The following ZNF525 variants were observed in gnomAD, a reference collection of about 807,000 sequenced individuals.
ZNF525 encodes the protein zinc finger protein 525.
Under a neutral mutation model 37.6 loss-of-function variants are expected in ZNF525, and 33 were observed. That is an observed-to-expected ratio of 0.88 (90% CI 0.67 to 1.17). The LOEUF is 1.17. ZNF525 is among the 50% of genes most tolerant of loss of function. ZNF525 has a pLI of 0.00. For missense variants in ZNF525, 449 were observed against 543.1 expected, an observed-to-expected ratio of 0.83 and a Z score of 1.72; for synonymous variants, 170 against 182.3, an observed-to-expected ratio of 0.93 and a Z score of 0.54.
At chr19:53,372,191 AAAC>A in intron 1 of ZNF525, 21 bp from the exon 2 acceptor site, 1 of 669,932 alleles carries the variant, frequency 1.5e-6, no homozygotes, top group Non-Finnish European at 2.7e-6. Context: ...TCTGAGCAAT[AAAC>A]AACATATTTT....
At chr19:53,373,369 C>T (rs981050123) in intron 2 of ZNF525, among the ~76,000 whole-genome samples, 3 of 152,084 alleles carry the variant, frequency 2.0e-5, no homozygotes, top group African/African-American at 7.2e-5. Context: ...GCTGAGATTA[C>T]AGGCATGAGC....
rs192904059 is a variant in ZNF525, at chr19:53,384,907, A to G, written c.*2888A>G. The G allele has an allele frequency of 5.2e-5, 36 of 698,176 alleles. No individual in the cohort carries two copies. The highest frequency in any genetic ancestry group is 8.6e-5 in the Non-Finnish European group (33 of 383,492). The allele number at this position is 698,176 out of a possible 1,614,324, so 43.2% of individuals were successfully genotyped here. A position where few individuals can be genotyped will look rare whatever the true frequency, so the allele number is the denominator to read the frequency against. On this transcript the variant is annotated 3_prime_UTR_variant, in exon 4 of 4. Coordinates refer to ENST00000474037, the MANE Select transcript of ZNF525 (RefSeq NM_001348156.2). ...ATTTTCCCTGCTTGGTTATTTACTC[A>G]TTTGTCATTTCATGGATGTTCTTTC...
chr19:53,371,969 G>T (rs1346698465), intron 1 of ZNF525, among the ~76,000 whole-genome samples: 1 of 152,102 alleles, frequency 6.6e-6, no homozygotes, highest in Non-Finnish European at 1.5e-5. Context: ...GTTTGGTCAG[G>T]TCTGGGTCGG....
intron 1 of ZNF525, among the ~76,000 whole-genome samples, chr19:53,370,046 A>G (rs1254944239): frequency 2.6e-5 from 4 of 151,554 alleles, no homozygotes; most frequent in Non-Finnish European, 4.4e-5. Flanking sequence ...TAGCCCAGAT[A>G]TGTGAAAGAT....
rs377138813 is a variant in ZNF525 at position 53,382,127 on chromosome 19, T to G, written c.*108T>G. The G allele has an allele frequency of 1.3e-6, 2 of 1,579,096 alleles. No homozygotes were observed. The highest frequency in any genetic ancestry group is 8.7e-7 in the Non-Finnish European group (1 of 1,152,370). On this transcript the variant is annotated 3_prime_UTR_variant, in exon 4 of 4. Coordinates refer to ENST00000474037, the MANE Select transcript of ZNF525 (RefSeq NM_001348156.2). ...CATCCATTGTATACCATCATAAATT[T>G]CATAGTGGAGAGAAACCTTACAAAT...
At position 53,372,222 on chromosome 19, in the gene ZNF525, A is replaced by T; in HGVS notation, c.-60A>T. On this transcript the variant is annotated 5_prime_UTR_variant, in exon 2 of 4. Transcript: ENST00000474037. ...CATATTTTTATCACTCAGGATTGAC[A>T]TCTAAAGACTCTTGGTACATGAGGA... is the stretch of plus-strand genomic sequence containing the variant. 1 of 708,988 alleles carries T rather than the reference A, an allele frequency of 1.4e-6. No individual in the cohort carries two copies. The highest frequency in any genetic ancestry group is 1.6e-5 in the South Asian group (1 of 63,062). 43.9% of individuals were successfully genotyped at this position (708,988 alleles called of 1,614,324 possible).
intron 3 of ZNF525, 72 bp downstream of exon 3, chr19:53,375,968 G>C: frequency 1.9e-6 from 3 of 1,608,920 alleles, no homozygotes; most frequent in Non-Finnish European, 2.5e-6. Flanking sequence ...TTTTTAGATA[G>C]AGTATCTCTC....
chr19:53,375,483 G>T (rs575385699), intron 2 of ZNF525, among the ~76,000 whole-genome samples: 2 of 152,302 alleles, frequency 1.3e-5, no homozygotes, highest in African/African-American at 2.4e-5. Context: ...TACTCAGGAG[G>T]CTAAGGCAGG....
intron 2 of ZNF525, among the ~76,000 whole-genome samples, chr19:53,375,001 A>G (rs2147068307): frequency 6.6e-6 from 1 of 151,848 alleles, no homozygotes; most frequent in African/African-American, 2.4e-5. Context: ...CAGGCTCCCA[A>G]GTAGCTGGAA....
chr19:53,370,797 C>T (rs1443328768), intron 1 of ZNF525, among the ~76,000 whole-genome samples: 3 of 152,204 alleles, frequency 2.0e-5, no homozygotes, highest in Non-Finnish European at 4.4e-5. Context: ...AAATCTAAAG[C>T]AGGTCACGTC....
At chr19:53,372,074 T>C (rs912364942) in intron 1 of ZNF525, 141 bp from the exon 2 acceptor site, 3 of 434,256 alleles carry the variant, frequency 6.9e-6, no homozygotes, top group African/African-American at 6.0e-5. Context: ...TGTAGGAGTT[T>C]ATTGTACCTG....
chr19:53,381,534 A>G lies in ZNF525; in HGVS notation c.955A>G (p.Arg319Gly). The change falls in exon 4 of 4, where the codon AGA (arginine) becomes GGA (glycine). Residue 319 changes from arginine to glycine, a missense_variant. Around this residue, in one of 2 missense-constraint regions of ZNF525, gnomAD observed 178 missense variants for 161.5 expected, o/e 1.10. Coordinates refer to ENST00000474037, the MANE Select transcript of ZNF525 (RefSeq NM_001348156.2). ...RHNSALQRHR[R>G]IHTGEKPHKC... ...CAATTCAGCCCTTCAAAGACATAGG[A>G]GAATTCATACTGGAGAGAAACCACA... 4 of 1,242,770 alleles carry G rather than the reference A, an allele frequency of 3.2e-6. No homozygotes were observed. The highest frequency in any genetic ancestry group is 4.8e-6 in the Non-Finnish European group (4 of 841,014). 77.0% of individuals were successfully genotyped at this position (1,242,770 alleles called of 1,614,324 possible).
At chr19:53,367,905 T>G (rs1014078044) in intron 1 of ZNF525, among the ~76,000 whole-genome samples, 10 of 152,196 alleles carry the variant, frequency 6.6e-5, no homozygotes, top group Non-Finnish European at 1.5e-4. Context: ...TGGTTAAGCG[T>G]GTAAATCGGG....
intron 3 of ZNF525, among the ~76,000 whole-genome samples, chr19:53,379,672 G>A (rs949748985): frequency 6.6e-6 from 1 of 152,174 alleles, no homozygotes; most frequent in African/African-American, 2.4e-5. Context: ...TTCGGTATGT[G>A]GTATGCAATA....
Position 53,380,737 on chromosome 19 carries a change from G to A in ZNF525, c.158G>A (p.Cys53Tyr), listed in dbSNP as rs749804052. Residue 53 changes from cysteine (C) to tyrosine (Y), a missense_variant, in exon 4 of 4, where the codon TGC (cysteine) becomes TAC (tyrosine). Cys to Tyr is a radical substitution (Grantham distance 194, BLOSUM62 -2). Transcript: ENST00000474037. ...NLVSLGISSK[C>Y]TMKEFSSTAQ... ...TATTTTGTAGGTATCTCTTCCAAAT[G>A]CACAATGAAGGAGTTCTCATCAACA... The A allele has an allele frequency of 2.4e-6, 3 of 1,230,678 alleles. No individual in the cohort carries two copies. The highest frequency in any genetic ancestry group is 1.5e-5 in the African/African-American group (1 of 66,910). 76.2% of individuals were successfully genotyped at this position (1,230,678 alleles called of 1,614,324 possible). A position where few individuals can be genotyped will look rare whatever the true frequency, so the allele number is the denominator to read the frequency against.
chr19:53,381,841 G>A lies in ZNF525; in HGVS notation c.1262G>A (p.Arg421His), dbSNP rs189545824. ...TGTGAAGAATGTGATGAAGCTTTCC[G>A]TTTCAAATCAAGTCTTGAAAGACAT... The part of the protein sequence containing the change: ...YKCEECDEAF[R>H]FKSSLERHRR... The change falls in exon 4 of 4, where the codon CGT (arginine) becomes CAT (histidine). Residue 421 changes from arginine to histidine, a missense_variant. This residue lies in a region of ZNF525 where 178 missense variants were observed against 161.5 expected (regional missense o/e 1.10). Transcript: ENST00000474037. 75 of 1,058,686 alleles carry A rather than the reference G, an allele frequency of 7.1e-5. No homozygotes were observed. The highest frequency in any genetic ancestry group is 3.7e-4 in the Admixed American group (22 of 59,338). 65.6% of individuals were successfully genotyped at this position (1,058,686 alleles called of 1,614,324 possible). A position where few individuals can be genotyped will look rare whatever the true frequency, so the allele number is the denominator to read the frequency against.
In ZNF525 at chr19:53,384,976, T is replaced by G. The variant is rs2085594698; in HGVS notation, c.*2957T>G. The G allele has an allele frequency of 1.4e-6, 1 of 702,466 alleles. No individual in the cohort carries two copies. Among genetic ancestry groups the G allele is most frequent in the African/African-American group, 1.7e-5 (1 of 57,378 alleles). 43.5% of individuals were successfully genotyped at this position (702,466 alleles called of 1,614,324 possible). On this transcript the variant is annotated 3_prime_UTR_variant, in exon 4 of 4. Coordinates refer to ENST00000474037, the MANE Select transcript of ZNF525 (RefSeq NM_001348156.2). Reference sequence around the variant, plus strand: ...CCTTTTCTATTTTGTTTAGGATTTCTATGATGACTGGATTTTGAATTTTGT... The same window carrying G: ...CCTTTTCTATTTTGTTTAGGATTTCGATGATGACTGGATTTTGAATTTTGT...
chr19:53,368,898 G>T (rs1017577450), intron 1 of ZNF525, among the ~76,000 whole-genome samples: 19 of 152,128 alleles, frequency 1.2e-4, no homozygotes, highest in African/African-American at 4.6e-4. Context: ...AAGCATGATT[G>T]TCCTTTGTTG....
chr19:53,374,264 CT>C (rs1287269456), intron 2 of ZNF525, among the ~76,000 whole-genome samples: 2 of 152,196 alleles, frequency 1.3e-5, no homozygotes, highest in Non-Finnish European at 2.9e-5. Flanking sequence ...TTGTTTTCTT[CT>C]TTGTGTTCCA....
Sources: gnomAD v4.1 joint callset for allele counts (sites outside exome capture counted in the v4.1 genomes callset) on GRCh38, gnomAD v4.1.1 for gene constraint, gnomAD v4.1.1 regional missense constraint, MANE v1.5 for transcripts, NCBI Gene and HGNC (gene_info 2026-07-23, HGNC 2026-07-21) for gene names.